AIG1: variants seen among roughly 807,000 people sequenced by gnomAD.
AIG1 encodes androgen-induced gene 1 protein.
Under a neutral mutation model 31.4 loss-of-function variants are expected in AIG1, and 23 were observed. That is an observed-to-expected ratio of 0.73 (90% CI 0.53 to 1.04). The LOEUF (loss-of-function observed/expected upper bound fraction) is 1.04. AIG1 is among the 50% of genes least tolerant of loss of function. AIG1 has a pLI of 0.00. For synonymous variants in AIG1, 100 were observed against 110.5 expected, an observed-to-expected ratio of 0.90 and a Z score of 0.60; for missense variants, 274 against 295.0, an observed-to-expected ratio of 0.93 and a Z score of 0.52.
At chr6:143,296,044 A>G (rs376995125) in intron 4 of AIG1, among the ~76,000 whole-genome samples, 7 of 152,192 alleles carry the variant, frequency 4.6e-5, no homozygotes, top group African/African-American at 1.7e-4. Context: ...GAGAAAATGA[A>G]TATATATTAC....
intron 1 of AIG1, among the ~76,000 whole-genome samples, chr6:143,083,064 G>A (rs996251155): frequency 1.3e-5 from 2 of 152,344 alleles, no homozygotes; most frequent in Non-Finnish European, 1.5e-5. Context: ...TTGGGATGAG[G>A]ATAAGCCGAT....
chr6:143,090,829 G>A (rs1481493505), intron 1 of AIG1, among the ~76,000 whole-genome samples: 1 of 152,142 alleles, frequency 6.6e-6, no homozygotes, highest in Non-Finnish European at 1.5e-5. Flanking sequence ...CCTAAAATAG[G>A]ACACCTGTGA....
rs1316482457 is a variant in AIG1 at position 143,095,940 on chromosome 6, C to G, written c.141+34874C>G. 4.6e-5 allele frequency among the ~76,000 whole-genome samples: 6 copies of G among 130,678 alleles called. No individual in the cohort carries two copies. In the Admixed American group the frequency reaches 5.2e-4, roughly 11 times the overall value. 85.7% of individuals were successfully genotyped at this position (130,678 alleles called of 152,430 possible). On this transcript the variant is annotated intron_variant, in intron 1 of 5. Transcript: ENST00000357847. Reference sequence around the variant, plus strand: ...TTTTTTTTTTTGAGATGGAGTCTCACTCTGTCACCAGGCTGGAGTGCAGTG... The same window carrying G: ...TTTTTTTTTTTGAGATGGAGTCTCAGTCTGTCACCAGGCTGGAGTGCAGTG...
At chr6:143,194,242 G>A (rs1790031951) in intron 3 of AIG1, among the ~76,000 whole-genome samples, 1 of 152,170 alleles carries the variant, frequency 6.6e-6, no homozygotes. Flanking sequence ...GTCTTACATG[G>A]CGGCAGGTGA....
At chr6:143,308,809 C>G (rs916844895) in intron 4 of AIG1, among the ~76,000 whole-genome samples, 5 of 152,100 alleles carry the variant, frequency 3.3e-5, no homozygotes, top group Non-Finnish European at 7.3e-5. Flanking sequence ...TTAGTGCCTC[C>G]ATTTTAGTTA....
intron 1 of AIG1, among the ~76,000 whole-genome samples, chr6:143,068,956 T>A (rs1483523098): frequency 4.6e-5 from 7 of 152,268 alleles, no homozygotes; most frequent in Non-Finnish European, 1.0e-4. Context: ...AAACAAAAAA[T>A]TCAATATGAA....
At chr6:143,273,015 G>T (rs1796641943) in intron 3 of AIG1, among the ~76,000 whole-genome samples, 1 of 152,184 alleles carries the variant, frequency 6.6e-6, no homozygotes, top group African/African-American at 2.4e-5. Context: ...TGTTATCCCA[G>T]CTACTTGGGA....
downstream of AIG1, chr6:143,342,563 T>C: frequency 3.3e-6 from 3 of 911,408 alleles, 1 homozygote. Context: ...TTTTTTACTG[T>C]TGGGTTTACA....
At chr6:143,235,306 T>C (rs766561873) in intron 3 of AIG1, among the ~76,000 whole-genome samples, 1 of 152,206 alleles carries the variant, frequency 6.6e-6, no homozygotes, top group Non-Finnish European at 1.5e-5. Flanking sequence ...TTTCCTTTCA[T>C]CATTGCTGGT....
chr6:143,291,045 G>A lies in AIG1; in HGVS notation c.515+6820G>A, dbSNP rs977819002. 2.0e-5 allele frequency among the ~76,000 whole-genome samples: 3 copies of A among 152,176 alleles called. No homozygotes were observed. Among genetic ancestry groups the A allele is most frequent in the African/African-American group, 7.2e-5 (3 of 41,442 alleles). On this transcript the variant is annotated intron_variant, in intron 4 of 5. Transcript: ENST00000357847. This position sits in a 1 kb window ranked among gnomAD's most constrained non-coding sequence, Gnocchi z 4.2. ...CTCTCCACACTGACCAAAGCCAAGT[G>A]TGAGGCTCTAAGAGAATCCCTGGTA...
intron 1 of AIG1, among the ~76,000 whole-genome samples, chr6:143,110,285 A>G (rs1338684287): frequency 6.6e-6 from 1 of 152,188 alleles, no homozygotes; most frequent in Admixed American, 6.5e-5. Flanking sequence ...GTTCTTCAAT[A>G]TAATTTTTTT....
intron 3 of AIG1, among the ~76,000 whole-genome samples, chr6:143,184,743 G>A (rs757580725): frequency 2.6e-5 from 4 of 152,146 alleles, no homozygotes; most frequent in Non-Finnish European, 5.9e-5. Context: ...CCTTTTCCAT[G>A]TTGCTTCCAA....
At chr6:143,249,240 A>G (rs961503423) in intron 3 of AIG1, among the ~76,000 whole-genome samples, 34 of 152,228 alleles carry the variant, frequency 2.2e-4, no homozygotes, top group African/African-American at 7.2e-4. Context: ...TGTGGGGACA[A>G]AAGGTTGGTT....
chr6:143,302,438 T>C (rs1001559457), intron 4 of AIG1, among the ~76,000 whole-genome samples: 1 of 151,612 alleles, frequency 6.6e-6, no homozygotes, highest in African/African-American at 2.4e-5. Context: ...TGTGTTCTCA[T>C]TGTTCAATTC....
chr6:143,072,375 A>G (rs1777371878), intron 1 of AIG1, among the ~76,000 whole-genome samples: 1 of 152,144 alleles, frequency 6.6e-6, no homozygotes, highest in African/African-American at 2.4e-5. Context: ...ACCTGTTAAT[A>G]GAGACATTTT....
At chr6:143,188,207 T>C (rs1330541356) in intron 3 of AIG1, 1 of 993,594 alleles carries the variant, frequency 1.0e-6, no homozygotes, top group African/African-American at 1.7e-5. Flanking sequence ...CCCATCGATA[T>C]GATTTAGACT....
At position 143,256,713 on chromosome 6, in the gene AIG1, C is replaced by A. The variant is rs1795398298; in HGVS notation, c.400-27397C>A. Among the ~76,000 whole-genome samples, 1 of 152,214 alleles carries A rather than the reference C, an allele frequency of 6.6e-6. No individual in the cohort carries two copies. The highest frequency in any genetic ancestry group is 1.9e-4 in the East Asian group (1 of 5,204). On this transcript the variant is annotated intron_variant, in intron 3 of 5. Coordinates refer to ENST00000357847, the MANE Select transcript of AIG1 (RefSeq NM_016108.4). This position sits in a 1 kb window ranked among gnomAD's most constrained non-coding sequence, Gnocchi z 4.6. ...ACTTTATATATATGATTCCCCACTT[C>A]ATTGGCAGTTTGTAGCAAATTCTTA...
At chr6:143,079,169 T>C (rs1450940095) in intron 1 of AIG1, among the ~76,000 whole-genome samples, 1 of 152,164 alleles carries the variant, frequency 6.6e-6, no homozygotes, top group African/African-American at 2.4e-5. Context: ...TCTTGCTTGG[T>C]TCCTCTGGTC....
At position 143,136,115 on chromosome 6, in the gene AIG1, G is replaced by A. The variant is rs542093628; in HGVS notation, c.142-720G>A. Among the ~76,000 whole-genome samples, 21 of 152,102 alleles carry A rather than the reference G, an allele frequency of 1.4e-4. No homozygotes were observed. The South Asian group carries it at 4.4e-3, about 32-fold the overall frequency. On this transcript the variant is annotated intron_variant, in intron 1 of 5. Coordinates refer to ENST00000357847, the MANE Select transcript of AIG1 (RefSeq NM_016108.4). Reference sequence around the variant, plus strand: ...GAATGTATAACCTGTAGTTTTTTTGGGGGGGCGGTTAGAGAAATTGTATGG... The same window carrying A: ...GAATGTATAACCTGTAGTTTTTTTGAGGGGGCGGTTAGAGAAATTGTATGG...
Sources: gnomAD v4.1 joint callset for allele counts (sites outside exome capture counted in the v4.1 genomes callset) on GRCh38, gnomAD v4.1.1 for gene constraint, Gnocchi (gnomAD v3.1) non-coding constraint, MANE v1.5 for transcripts, NCBI Gene and HGNC (gene_info 2026-07-23, HGNC 2026-07-21) for gene names.